Variants in DLGAP1 observed in about 807,000 individuals in gnomAD.
DLGAP1 encodes the protein disks large-associated protein 1.
A neutral mutation model predicts 90.8 loss-of-function variants in DLGAP1; 11 were observed. That is an observed-to-expected ratio of 0.12 (90% CI 0.08 to 0.20). DLGAP1 has a LOEUF of 0.20. Among genes scored for constraint, DLGAP1 ranks in the 10% least tolerant of loss-of-function variants. The probability of loss-of-function intolerance (pLI) is 1.00; values close to 1 mark genes in which losing one functional copy is unlikely to be tolerated. For missense variants in DLGAP1, 1,050 were observed against 1,333.8 expected (o/e 0.79, Z 3.31); for synonymous variants, 558 against 540.7 (o/e 1.03, Z -0.44).
At chr18:4,068,733 G>A (rs530560034) in intron 2 of DLGAP1, among the ~76,000 whole-genome samples, 1 of 152,318 alleles carries the variant, frequency 6.6e-6, no homozygotes, top group African/African-American at 2.4e-5. Context: ...GCCGGTTCTT[G>A]CTCTGTACTG....
intron 3 of DLGAP1, among the ~76,000 whole-genome samples, chr18:3,921,290 G>C (rs1439449448): frequency 3.9e-5 from 6 of 152,140 alleles, no homozygotes; most frequent in African/African-American, 1.2e-4. Context: ...TTAAAGTCCT[G>C]TAAGAGTTTA....
At chr18:3,804,310 A>G (rs897777580) in intron 5 of DLGAP1, among the ~76,000 whole-genome samples, 3 of 152,202 alleles carry the variant, frequency 2.0e-5, no homozygotes, top group Admixed American at 6.5e-5. Flanking sequence ...AGAATGTTGC[A>G]GTAGTTAATG....
intron 4 of DLGAP1, among the ~76,000 whole-genome samples, chr18:3,824,908 A>T (rs918181366): frequency 6.6e-6 from 1 of 152,230 alleles, no homozygotes; most frequent in African/African-American, 2.4e-5. Flanking sequence ...AGTTCTTGAG[A>T]TCGGGAAAAT....
intron 1 of DLGAP1, among the ~76,000 whole-genome samples, chr18:4,189,227 T>C (rs1304749156): frequency 2.6e-5 from 4 of 152,182 alleles, no homozygotes; most frequent in East Asian, 1.9e-4. Flanking sequence ...ATATTTTTTC[T>C]TGGTAATTTC....
intron 7 of DLGAP1, among the ~76,000 whole-genome samples, chr18:3,621,107 G>C (rs903199745): frequency 6.6e-6 from 1 of 152,186 alleles, no homozygotes; most frequent in Non-Finnish European, 1.5e-5. Context: ...TCACCTTAAA[G>C]ATAAGTGACC....
intron 1 of DLGAP1, among the ~76,000 whole-genome samples, chr18:4,402,583 A>G (rs973528030): frequency 2.0e-5 from 3 of 152,212 alleles, no homozygotes; most frequent in African/African-American, 4.8e-5. Context: ...CACTTGGCCC[A>G]TGAACATCAG....
At chr18:4,216,155 G>A (rs377680270) in intron 1 of DLGAP1, among the ~76,000 whole-genome samples, 2 of 152,020 alleles carry the variant, frequency 1.3e-5, no homozygotes, top group East Asian at 1.9e-4. Flanking sequence ...AAGCAAACAC[G>A]TCCTTCTCAT....
intron 1 of DLGAP1, among the ~76,000 whole-genome samples, chr18:4,193,179 C>G (rs994796827): frequency 2.0e-5 from 3 of 152,208 alleles, no homozygotes; most frequent in Non-Finnish European, 4.4e-5. Flanking sequence ...GACAATAAGT[C>G]TTCTCAGGAG....
At position 3,717,039 on chromosome 18, in the gene DLGAP1, CTTTTTTT is replaced by C. The variant is rs56981271; in HGVS notation, c.1591+12089_1591+12095del. On this transcript the variant is annotated intron_variant, in intron 7 of 12. Coordinates refer to ENST00000315677, the MANE Select transcript of DLGAP1 (RefSeq NM_004746.4). The stretch of plus-strand genomic sequence containing the variant: ...AGCGGTGCAAAGAGGGTGAGTTTGC[CTTTTTTT>C]TTTTTTTTTTTTTTTTAGTGGAAAT... Among the ~76,000 whole-genome samples the C allele has an allele frequency of 2.3e-3, 259 of 113,824 alleles. 1 individual carries two copies. Among genetic ancestry groups the C allele is most frequent in the African/African-American group, 6.0e-3 (186 of 30,932 alleles). 74.7% of individuals were successfully genotyped at this position (113,824 alleles called of 152,430 possible). A position where few individuals can be genotyped will look rare whatever the true frequency, so the allele number is the denominator to read the frequency against.
At chr18:4,263,286 T>C (rs2079039115) in intron 1 of DLGAP1, among the ~76,000 whole-genome samples, 1 of 152,160 alleles carries the variant, frequency 6.6e-6, no homozygotes, top group Admixed American at 6.5e-5. Flanking sequence ...TCTGCAACTA[T>C]CAATACAAAG....
intron 1 of DLGAP1, among the ~76,000 whole-genome samples, chr18:4,396,103 T>C (rs1052429742): frequency 6.6e-6 from 1 of 152,240 alleles, no homozygotes; most frequent in Non-Finnish European, 1.5e-5. Flanking sequence ...TGAAAGATAC[T>C]GTTAGTCTTT....
chr18:3,588,390 C>T (rs1053276927), intron 7 of DLGAP1, among the ~76,000 whole-genome samples: 63 of 151,240 alleles, frequency 4.2e-4, no homozygotes, highest in Non-Finnish European at 6.8e-4. Flanking sequence ...ACCTGGGAGG[C>T]GGAGGTTGCG....
chr18:3,903,551 T>C (rs1219133557), intron 3 of DLGAP1, among the ~76,000 whole-genome samples: 1 of 152,200 alleles, frequency 6.6e-6, no homozygotes, highest in African/African-American at 2.4e-5. Context: ...TTGCAGCAGA[T>C]CTTTTAAACC....
At chr18:4,337,985 C>T (rs1244773210) in intron 1 of DLGAP1, among the ~76,000 whole-genome samples, 1 of 152,098 alleles carries the variant, frequency 6.6e-6, no homozygotes, top group Non-Finnish European at 1.5e-5. Context: ...ATTTGAAACA[C>T]CACATATTTT....
intron 1 of DLGAP1, among the ~76,000 whole-genome samples, chr18:4,153,448 A>G (rs1363335805): frequency 2.6e-5 from 4 of 152,202 alleles, no homozygotes; most frequent in Non-Finnish European, 5.9e-5. Context: ...CAGCACTGAG[A>G]TTAAAATGCA....
intron 1 of DLGAP1, among the ~76,000 whole-genome samples, chr18:4,408,165 A>G (rs1397461949): frequency 3.3e-5 from 5 of 152,162 alleles, no homozygotes; most frequent in African/African-American, 1.2e-4. Flanking sequence ...GAGTCAGGAA[A>G]GGCTCCAAAG....
chr18:3,782,118 T>A (rs1391955478), intron 5 of DLGAP1, among the ~76,000 whole-genome samples: 1 of 152,002 alleles, frequency 6.6e-6, no homozygotes, highest in Non-Finnish European at 1.5e-5. Flanking sequence ...CAATGATCAT[T>A]AAAGTTCACT....
At chr18:3,886,122 A>T (rs763951094) in intron 3 of DLGAP1, among the ~76,000 whole-genome samples, 1 of 152,082 alleles carries the variant, frequency 6.6e-6, no homozygotes, top group Non-Finnish European at 1.5e-5. Flanking sequence ...GTCTTACCCC[A>T]TGAGGATGGA....
chr18:3,588,467 A>T lies in DLGAP1; in HGVS notation c.1592-6219T>A, dbSNP rs865906781. ...AGAATGAAACTCCGTCTCAAAAAAA[A>T]AAAAAGTTATATTTTTAAGAAAGAC... On this transcript the variant is annotated intron_variant, in intron 7 of 12. Coordinates refer to ENST00000315677, the MANE Select transcript of DLGAP1 (RefSeq NM_004746.4). Among the ~76,000 whole-genome samples the T allele has an allele frequency of 8.6e-5, 13 of 151,024 alleles. No homozygotes were observed. The Middle Eastern group carries it at 0.017, about 203-fold the overall frequency.
Sources: allele counts gnomAD v4.1 joint callset (sites outside exome capture counted in the v4.1 genomes callset), GRCh38; gene constraint gnomAD v4.1.1; transcripts MANE v1.5; gene names NCBI Gene and HGNC (gene_info 2026-07-23, HGNC 2026-07-21).